Variants in PLCL1 observed in about 807,000 individuals in gnomAD.
PLCL1 encodes phospholipase C like 1 (inactive), also known as inactive phospholipase C-like protein 1.
Under a neutral mutation model 84.4 loss-of-function variants are expected in PLCL1, and 41 were observed. That is an observed-to-expected ratio of 0.49 (90% CI 0.38 to 0.63). The LOEUF is 0.63. Ranked by LOEUF, PLCL1 falls within the 30% of genes least tolerant of loss-of-function variation. PLCL1 has a pLI of 0.00. For missense variants in PLCL1, 1,206 were observed against 1,367.8 expected, an observed-to-expected ratio of 0.88 and a Z score of 1.87; for synonymous variants, 490 against 488.3, an observed-to-expected ratio of 1.00 and a Z score of -0.05.
chr2:198,003,307 G>A (rs540960508), intron 1 of PLCL1, among the ~76,000 whole-genome samples: 2 of 152,218 alleles, frequency 1.3e-5, no homozygotes, highest in East Asian at 3.9e-4. Flanking sequence ...TTTATTGGTT[G>A]AACTAGTGCT....
chr2:197,867,781 C>T (rs1263363161), intron 1 of PLCL1, among the ~76,000 whole-genome samples: 1 of 152,134 alleles, frequency 6.6e-6, no homozygotes, highest in African/African-American at 2.4e-5. Flanking sequence ...TCTAGCGTGG[C>T]TCACTGTCCC....
intron 1 of PLCL1, among the ~76,000 whole-genome samples, chr2:197,933,818 TTGTC>T (rs1380860001): frequency 2.0e-5 from 3 of 152,150 alleles, no homozygotes; most frequent in Non-Finnish European, 2.9e-5. Context: ...TATATAATAA[TTGTC>T]TATATATATA....
At chr2:197,847,739 A>G (rs1319482382) in intron 1 of PLCL1, among the ~76,000 whole-genome samples, 3 of 152,172 alleles carry the variant, frequency 2.0e-5, no homozygotes, top group African/African-American at 7.2e-5. Context: ...TGCAAAGGAG[A>G]ATATTGAAAC....
chr2:197,888,263 T>A (rs991568971), intron 1 of PLCL1, among the ~76,000 whole-genome samples: 2 of 152,222 alleles, frequency 1.3e-5, no homozygotes, highest in Non-Finnish European at 2.9e-5. Context: ...TTCTTTTTTT[T>A]AATTTGTAAA....
rs1387394173 is a variant in PLCL1, at chr2:198,147,402, T to C, written c.*440T>C. The C allele has an allele frequency of 6.6e-6, 1 of 152,588 alleles. No individual in the cohort carries two copies. The highest frequency in any genetic ancestry group is 1.5e-5 in the Non-Finnish European group (1 of 68,202). 9.5% of individuals were successfully genotyped at this position (152,588 alleles called of 1,614,324 possible). A position where few individuals can be genotyped will look rare whatever the true frequency, so the allele number is the denominator to read the frequency against. On this transcript the variant is annotated 3_prime_UTR_variant, in exon 6 of 6. Coordinates refer to ENST00000428675, the MANE Select transcript of PLCL1 (RefSeq NM_006226.4). Reference sequence around the variant, plus strand: ...GTTGCTGTGTTTAATTTGACTTCTCTGCCTTTGACATTTAATTTAGTGATC... The same window carrying C: ...GTTGCTGTGTTTAATTTGACTTCTCCGCCTTTGACATTTAATTTAGTGATC...
intron 5 of PLCL1, among the ~76,000 whole-genome samples, chr2:198,116,878 T>G (rs1693760647): frequency 6.6e-6 from 1 of 151,878 alleles, no homozygotes; most frequent in South Asian, 2.1e-4. Flanking sequence ...AGTCTTTGAG[T>G]GTTTATTTAA....
intron 5 of PLCL1, among the ~76,000 whole-genome samples, chr2:198,144,006 T>C (rs1694457033): frequency 6.6e-6 from 1 of 152,148 alleles, no homozygotes; most frequent in South Asian, 2.1e-4. Context: ...TTTCCTCCCA[T>C]TGGCCATTGT....
chr2:197,988,611 A>C (rs1331655363), intron 1 of PLCL1, among the ~76,000 whole-genome samples: 1 of 152,072 alleles, frequency 6.6e-6, no homozygotes, highest in Non-Finnish European at 1.5e-5. Context: ...ATTTTCTTTA[A>C]CCACTCATTG....
chr2:197,832,232 G>C (rs576806224), intron 1 of PLCL1, among the ~76,000 whole-genome samples: 15 of 152,080 alleles, frequency 9.9e-5, no homozygotes, highest in African/African-American at 3.6e-4. Flanking sequence ...TTTTTGAAAA[G>C]ATTAACAAAA....
intron 1 of PLCL1, among the ~76,000 whole-genome samples, chr2:197,981,001 C>G (rs1690093567): frequency 6.6e-6 from 1 of 152,062 alleles, no homozygotes; most frequent in African/African-American, 2.4e-5. Flanking sequence ...TTCGTTTTTG[C>G]CATTAAAAGT....
At chr2:197,922,914 C>T (rs1205011604) in intron 1 of PLCL1, among the ~76,000 whole-genome samples, 1 of 136,172 alleles carries the variant, frequency 7.3e-6, no homozygotes, top group Non-Finnish European at 1.6e-5. Flanking sequence ...CTGACCCCCC[C>T]ACCTCCCTCC....
At chr2:197,818,948 A>T (rs1182440476) in intron 1 of PLCL1, among the ~76,000 whole-genome samples, 1 of 152,034 alleles carries the variant, frequency 6.6e-6, no homozygotes, top group Non-Finnish European at 1.5e-5. Flanking sequence ...CTGGTGAGGG[A>T]TGGGAGGGAA....
intron 5 of PLCL1, among the ~76,000 whole-genome samples, chr2:198,128,487 A>G (rs1206534782): frequency 1.3e-5 from 2 of 152,112 alleles, no homozygotes; most frequent in African/African-American, 2.4e-5. Context: ...AGATGAAATT[A>G]TGGAGAGGAA....
intron 1 of PLCL1, among the ~76,000 whole-genome samples, chr2:197,960,029 C>T (rs959113041): frequency 1.2e-4 from 18 of 152,038 alleles, no homozygotes; most frequent in Admixed American, 3.3e-4. Context: ...AGTGAATGCC[C>T]GAGCTTGGGC....
intron 5 of PLCL1, among the ~76,000 whole-genome samples, chr2:198,114,402 T>C (rs1693690803): frequency 6.6e-6 from 1 of 151,866 alleles, no homozygotes; most frequent in African/African-American, 2.4e-5. Context: ...TCTGAATAAT[T>C]CAAAAGTGGC....
intron 1 of PLCL1, among the ~76,000 whole-genome samples, chr2:197,825,480 A>T (rs548842566): frequency 6.6e-6 from 1 of 152,344 alleles, no homozygotes; most frequent in Non-Finnish European, 1.5e-5. Context: ...TACCAATTCC[A>T]TGAAGAAAGG....
chr2:198,074,866 T>C (rs1361597719), intron 1 of PLCL1, among the ~76,000 whole-genome samples: 2 of 152,236 alleles, frequency 1.3e-5, no homozygotes, highest in African/African-American at 4.8e-5. Context: ...TATAAAAGTA[T>C]GCGTCTATTT....
intron 5 of PLCL1, among the ~76,000 whole-genome samples, chr2:198,105,770 C>T (rs1215284827): frequency 6.6e-6 from 1 of 151,504 alleles, no homozygotes; most frequent in Admixed American, 6.6e-5. Flanking sequence ...ATATCTAGGG[C>T]CATTGAGGAT....
intron 5 of PLCL1, among the ~76,000 whole-genome samples, chr2:198,116,078 T>C (rs1157824127): frequency 2.7e-5 from 4 of 150,280 alleles, no homozygotes; most frequent in African/African-American, 7.3e-5. Context: ...CATACAAATA[T>C]GTAAATGTAA....
Sources: allele counts gnomAD v4.1 joint callset (sites outside exome capture counted in the v4.1 genomes callset), GRCh38; gene constraint gnomAD v4.1.1; transcripts MANE v1.5; gene names NCBI Gene and HGNC (gene_info 2026-07-23, HGNC 2026-07-21).